Variants in TESK2 observed in about 807,000 individuals in gnomAD.
TESK2 encodes dual specificity testis-specific protein kinase 2.
TESK2 carries 39 observed loss-of-function variants against 57.1 expected under a neutral mutation model. The observed-to-expected ratio is 0.68, with a 90% CI of 0.53 to 0.89. TESK2 has a LOEUF of 0.89. Among genes scored for constraint, TESK2 ranks in the 40% least tolerant of loss-of-function variants. The probability of loss-of-function intolerance (pLI) is 0.00; values close to 1 mark genes in which losing one functional copy is unlikely to be tolerated. For missense variants in TESK2, 646 were observed against 732.1 expected (o/e 0.88, Z 1.36); for synonymous variants, 249 against 267.9 (o/e 0.93, Z 0.69).
At chr1:45,428,956 G>A (rs899522596) in intron 2 of TESK2, among the ~76,000 whole-genome samples, 5 of 149,420 alleles carry the variant, frequency 3.3e-5, no homozygotes, top group Non-Finnish European at 5.9e-5. Context: ...CAAGTATCTG[G>A]GACTACAGGC....
intron 2 of TESK2, among the ~76,000 whole-genome samples, chr1:45,437,922 G>A (rs1651297486): frequency 6.6e-6 from 1 of 152,062 alleles, no homozygotes; most frequent in Non-Finnish European, 1.5e-5. Flanking sequence ...TGGGGTTTGG[G>A]GATGGTTCTG....
intron 3 of TESK2, chr1:45,398,996 A>AC (rs1355035071): frequency 8.3e-5 from 36 of 434,046 alleles, no homozygotes; most frequent in South Asian, 1.5e-4. Flanking sequence ...AAAAAAAAAA[A>AC]AAAAAAAAAA....
At chr1:45,408,543 ACTCAAAGAGCATGAGCCTAT>A (rs1649930187) in intron 3 of TESK2, among the ~76,000 whole-genome samples, 1 of 152,118 alleles carries the variant, frequency 6.6e-6, no homozygotes, top group African/African-American at 2.4e-5. Flanking sequence ...AATGGTGAGA[ACTCAAAGAGCATGAGCCTAT>A]GGCTCATATA....
chr1:45,436,610 T>A (rs1002572961), intron 2 of TESK2, among the ~76,000 whole-genome samples: 1 of 139,852 alleles, frequency 7.2e-6, no homozygotes, highest in African/African-American at 2.7e-5. Context: ...CTACCTCCCC[T>A]CCCGAGTAGC....
chr1:45,391,319 G>A lies in TESK2; in HGVS notation c.345-5359C>T, dbSNP rs146925074. Among the ~76,000 whole-genome samples the A allele has an allele frequency of 2.2e-3, 324 of 149,676 alleles. 5 individuals are homozygous for A. The highest frequency in any genetic ancestry group is 7.7e-3 in the African/African-American group (311 of 40,490). ...TGCAACCTCAACCTCATTGGCTCAC[G>A]TGATCCTCCCACCTCAGCCTCCTGA... On this transcript the variant is annotated intron_variant, in intron 3 of 10. Transcript: ENST00000372086.
chr1:45,438,491 G>A (rs559740186), intron 2 of TESK2, among the ~76,000 whole-genome samples: 10 of 152,302 alleles, frequency 6.6e-5, no homozygotes, highest in African/African-American at 2.2e-4. Flanking sequence ...GTAAGACTCT[G>A]TTAAAATAAT....
intron 3 of TESK2, among the ~76,000 whole-genome samples, chr1:45,403,355 T>A (rs1170686506): frequency 6.6e-6 from 1 of 151,872 alleles, no homozygotes; most frequent in Non-Finnish European, 1.5e-5. Flanking sequence ...GGCAGTAATA[T>A]CCTCGGGTAA....
At chr1:45,423,243 C>T (rs1650551256) in intron 2 of TESK2, among the ~76,000 whole-genome samples, 1 of 152,124 alleles carries the variant, frequency 6.6e-6, no homozygotes, top group Non-Finnish European at 1.5e-5. Flanking sequence ...CCCACATACT[C>T]AAAGTCTCCC....
chr1:45,353,010 C>T (rs1647277438), intron 5 of TESK2, among the ~76,000 whole-genome samples: 1 of 152,126 alleles, frequency 6.6e-6, no homozygotes, highest in Non-Finnish European at 1.5e-5. Flanking sequence ...GCGATTCTCC[C>T]ATCTCAGCCT....
chr1:45,467,405 T>C (rs529263734), intron 1 of TESK2, among the ~76,000 whole-genome samples: 18 of 152,144 alleles, frequency 1.2e-4, no homozygotes, highest in African/African-American at 4.1e-4. Flanking sequence ...AGTACAGTGG[T>C]GCGATCATGG....
intron 3 of TESK2, chr1:45,414,882 CA>C (rs1263143420): frequency 2.6e-6 from 1 of 384,938 alleles, no homozygotes; most frequent in Non-Finnish European, 4.9e-6. Flanking sequence ...TATTGGACAG[CA>C]ATGCTTTAGT....
chr1:45,441,387 G>C, intron 2 of TESK2, among the ~76,000 whole-genome samples: 1 of 151,960 alleles, frequency 6.6e-6, no homozygotes, highest in African/African-American at 2.4e-5. Context: ...ATGTTGGTCA[G>C]ACTGGTCTCG....
intron 2 of TESK2, among the ~76,000 whole-genome samples, chr1:45,454,302 T>C (rs1370111644): frequency 6.6e-6 from 1 of 152,120 alleles, no homozygotes; most frequent in East Asian, 1.9e-4. Context: ...GTTTCAGTTT[T>C]GCAAAATGAA....
At chr1:45,475,731 A>C (rs2149305940) in intron 1 of TESK2, among the ~76,000 whole-genome samples, 1 of 152,226 alleles carries the variant, frequency 6.6e-6, no homozygotes, top group Admixed American at 6.5e-5. Context: ...AGGAAGACCC[A>C]CCCTCAATCT....
At chr1:45,422,780 T>TTGTTGTTGTTGTTGTTGTTGTTGTTGTTG (rs1234266587) in intron 2 of TESK2, among the ~76,000 whole-genome samples, 272 of 10,228 alleles carry the variant, frequency 0.027, 2 homozygotes, top group Middle Eastern at 0.083. Context: ...TGTTGTTGTT[T>TTGTTGTTGTTGTTGTTGTTGTTGTTGTTG]TTGTTTTGAG....
At chr1:45,350,082 C>T (rs1647209719) in intron 5 of TESK2, among the ~76,000 whole-genome samples, 1 of 152,148 alleles carries the variant, frequency 6.6e-6, no homozygotes, top group Non-Finnish European at 1.5e-5. Flanking sequence ...GCAGAGGTTG[C>T]AGTGAGCCAA....
At chr1:45,368,602 T>C (rs1170058951) in intron 4 of TESK2, among the ~76,000 whole-genome samples, 2 of 152,074 alleles carry the variant, frequency 1.3e-5, no homozygotes, top group African/African-American at 4.8e-5. Context: ...CTCGAACTCC[T>C]GACCTCAGGT....
chr1:45,466,990 T>A (rs931571514), intron 1 of TESK2, among the ~76,000 whole-genome samples: 6 of 152,104 alleles, frequency 3.9e-5, no homozygotes, highest in Non-Finnish European at 5.9e-5. Context: ...TACATATTTA[T>A]AGTGAACATC....
intron 4 of TESK2, among the ~76,000 whole-genome samples, chr1:45,376,179 G>T (rs1197455675): frequency 6.7e-6 from 1 of 149,008 alleles, no homozygotes; most frequent in African/African-American, 2.5e-5. Flanking sequence ...TTCTAATTAT[G>T]AAAGGATTTG....
Sources: gnomAD v4.1 joint callset for allele counts (sites outside exome capture counted in the v4.1 genomes callset) on GRCh38, gnomAD v4.1.1 for gene constraint, MANE v1.5 for transcripts, NCBI Gene and HGNC (gene_info 2026-07-23, HGNC 2026-07-21) for gene names.